The following EXOC6 variants were observed in gnomAD, a reference collection of about 807,000 sequenced individuals.
EXOC6 encodes SEC15-like 1.
In EXOC6, 60 loss-of-function variants were observed where a neutral mutation model predicts 112.5. The ratio of observed to expected loss-of-function variants is 0.53; its 90% confidence interval spans 0.43 to 0.66. The LOEUF is 0.66. Ranked by LOEUF, EXOC6 falls within the 30% of genes least tolerant of loss-of-function variation. The probability of loss-of-function intolerance (pLI) is 0.00; values close to 1 mark genes in which losing one functional copy is unlikely to be tolerated. For missense variants in EXOC6, 855 were observed against 957.1 expected, an observed-to-expected ratio of 0.89 and a Z score of 1.41; for synonymous variants, 295 against 308.0, an observed-to-expected ratio of 0.96 and a Z score of 0.44.
chr10:92,971,479 A>T lies in EXOC6; in HGVS notation c.1774-2574A>T, dbSNP rs905728002. Among the ~76,000 whole-genome samples the T allele has an allele frequency of 2.0e-5, 3 of 151,376 alleles. No homozygotes were observed. The South Asian group carries it at 6.2e-4, about 31-fold the overall frequency. On this transcript the variant is annotated intron_variant, in intron 17 of 21. Coordinates refer to ENST00000260762, the MANE Select transcript of EXOC6 (RefSeq NM_019053.6). ...AACCTCAGCCTCCCAGGTTTAAGTG[A>T]TTCTCCTGCCTCAGCCTCCCAAGTA...
chr10:92,841,815 C>T (rs1319212840), intron 1 of EXOC6, among the ~76,000 whole-genome samples: 2 of 152,102 alleles, frequency 1.3e-5, no homozygotes, highest in African/African-American at 2.4e-5. Context: ...ACTAATAGAG[C>T]TGTTGAAAGG....
intron 4 of EXOC6, among the ~76,000 whole-genome samples, chr10:92,898,697 T>C (rs1163586562): frequency 1.3e-5 from 2 of 152,128 alleles, no homozygotes; most frequent in African/African-American, 2.4e-5. Flanking sequence ...TAGAGAGATA[T>C]ACATAGGGTC....
chr10:92,954,820 G>A, intron 16 of EXOC6, 79 bp downstream of exon 16: 1 of 656,234 alleles, frequency 1.5e-6, no homozygotes, highest in South Asian at 2.0e-5. Flanking sequence ...ACGTCATTCT[G>A]TAAAACTAGC....
chr10:93,020,599 T>G (rs894852266), intron 20 of EXOC6, among the ~76,000 whole-genome samples: 7 of 152,124 alleles, frequency 4.6e-5, no homozygotes, highest in East Asian at 1.9e-4. Context: ...CAATGCTGTC[T>G]TCTAAAATAA....
intron 20 of EXOC6, among the ~76,000 whole-genome samples, chr10:93,021,355 C>T (rs1453149476): frequency 2.0e-5 from 3 of 152,138 alleles, no homozygotes; most frequent in Non-Finnish European, 2.9e-5. Flanking sequence ...ATGTAACCAT[C>T]TATACCCCAT....
rs374378240 is a variant in EXOC6, at chr10:92,948,278, A to T, written c.1315A>T (p.Ile439Phe). The change falls in exon 14 of 22, where the codon ATT becomes TTT. Residue 439 changes from isoleucine (I) to phenylalanine (F), a missense_variant. This residue lies in a region of EXOC6 where 450 missense variants were observed against 563.5 expected (regional missense o/e 0.80). Transcript: ENST00000260762. ...TCAATTTTCCTTTCCTAACAGGGACATTTTTGAAGAAGATAATTACAGCCC... is the reference window on the plus strand; with the variant it reads ...TCAATTTTCCTTTCCTAACAGGGACTTTTTTGAAGAAGATAATTACAGCCC... ...LKKWAGVFRD[I>F]FEEDNYSPIP... 2 of 1,596,982 alleles carry T rather than the reference A, an allele frequency of 1.3e-6. No individual in the cohort carries two copies. The highest frequency in any genetic ancestry group is 1.7e-6 in the Non-Finnish European group (2 of 1,169,378).
At chr10:92,977,490 G>A (rs1842673304) in intron 18 of EXOC6, among the ~76,000 whole-genome samples, 1 of 152,056 alleles carries the variant, frequency 6.6e-6, no homozygotes, top group Non-Finnish European at 1.5e-5. Context: ...CCCAACTGCT[G>A]TCTTTGAACT....
chr10:92,874,233 G>A (rs12247138), intron 1 of EXOC6, among the ~76,000 whole-genome samples: 4,810 of 152,056 alleles, frequency 0.032, 258 homozygotes, highest in African/African-American at 0.11. Flanking sequence ...TTTTTACTTA[G>A]CAGTACAATA....
intron 18 of EXOC6, among the ~76,000 whole-genome samples, chr10:92,976,342 T>C (rs1415853200): frequency 6.6e-6 from 1 of 152,218 alleles, no homozygotes; most frequent in South Asian, 2.1e-4. Flanking sequence ...AAAATACTTA[T>C]CCTGTTGATC....
At chr10:92,992,003 A>G (rs1438245160) in intron 18 of EXOC6, among the ~76,000 whole-genome samples, 3 of 152,190 alleles carry the variant, frequency 2.0e-5, no homozygotes, top group African/African-American at 7.2e-5. Context: ...GGGTGTTAAA[A>G]TGAGTATATT....
chr10:92,892,915 T>A (rs1309261264), intron 1 of EXOC6, among the ~76,000 whole-genome samples: 1 of 152,180 alleles, frequency 6.6e-6, no homozygotes, highest in African/African-American at 2.4e-5. Flanking sequence ...GTAATAACAA[T>A]ACCTACTTTG....
intron 5 of EXOC6, among the ~76,000 whole-genome samples, chr10:92,907,594 A>G (rs1461413427): frequency 1.3e-5 from 2 of 152,226 alleles, no homozygotes; most frequent in African/African-American, 4.8e-5. Context: ...TAGGATTTCA[A>G]ATACATTGTA....
At chr10:92,889,105 G>A (rs1199339029) in intron 1 of EXOC6, among the ~76,000 whole-genome samples, 1 of 152,128 alleles carries the variant, frequency 6.6e-6, no homozygotes, top group Non-Finnish European at 1.5e-5. Flanking sequence ...TTGAGTTTTG[G>A]TCATATTTAT....
chr10:92,954,631 T>G lies in EXOC6; in HGVS notation c.1528T>G (p.Ser510Ala). ...AATAATATCAATCTTTGTTTTTAGC[T>G]CAACAGAAATAGACGATATGCTTAG... ...LKFSESLHRS[S>A]TEIDDMLRKS... Residue 510 changes from serine to alanine, a missense_variant and splice_region_variant, in exon 16 of 22, where the codon TCA (serine) becomes GCA (alanine). Physicochemically the swap from Ser to Ala is moderately conservative, Grantham distance 99 (BLOSUM62 1). Coordinates refer to ENST00000260762, the MANE Select transcript of EXOC6 (RefSeq NM_019053.6). The G allele has an allele frequency of 6.5e-7, 1 of 1,544,106 alleles. No individual in the cohort carries two copies. Among genetic ancestry groups the G allele is most frequent in the African/African-American group, 1.4e-5 (1 of 73,500 alleles).
intron 19 of EXOC6, among the ~76,000 whole-genome samples, chr10:93,001,520 T>A (rs1843755144): frequency 6.6e-6 from 1 of 152,236 alleles, no homozygotes; most frequent in African/African-American, 2.4e-5. Context: ...ATATTGTGTT[T>A]TTGTGCAAAT....
upstream of EXOC6, chr10:92,834,679 C>G: frequency 7.8e-7 from 1 of 1,278,658 alleles, no homozygotes; most frequent in Non-Finnish European, 1.1e-6. Flanking sequence ...TTATAAATTA[C>G]AACAGTTTTT....
intron 19 of EXOC6, among the ~76,000 whole-genome samples, chr10:93,006,335 T>C (rs1401401992): frequency 6.6e-6 from 1 of 152,182 alleles, no homozygotes; most frequent in Non-Finnish European, 1.5e-5. Context: ...TCAGTGCCTT[T>C]TTAAAAAGTA....
rs2133935124 is a variant in EXOC6 at position 92,928,502 on chromosome 10, T to C, written c.972+80T>C. On this transcript the variant is annotated intron_variant, in intron 9 of 21. Coordinates refer to ENST00000260762, the MANE Select transcript of EXOC6 (RefSeq NM_019053.6). ...TGTTTTAATTTCTTCAAAGCATGTA[T>C]CACTGTTCATTCAACTACAAATATT... The C allele has an allele frequency of 6.2e-6, 5 of 800,036 alleles. No homozygotes were observed. In the South Asian group the frequency reaches 8.8e-5, roughly 14 times the overall value. 49.6% of individuals were successfully genotyped at this position (800,036 alleles called of 1,614,324 possible).
Position 92,983,088 on chromosome 10 carries a change from G to A in EXOC6, c.1953+8856G>A, listed in dbSNP as rs955528295. 9.9e-5 allele frequency among the ~76,000 whole-genome samples: 15 copies of A among 152,178 alleles called. No individual in the cohort carries two copies. The South Asian group carries it at 2.9e-3, about 29-fold the overall frequency. ...ACTATCTTGAAATTTTTGAGATTTGGGTTTTAGGCTTGATTCTTCCAATTA... is the reference window on the plus strand; with the variant it reads ...ACTATCTTGAAATTTTTGAGATTTGAGTTTTAGGCTTGATTCTTCCAATTA... On this transcript the variant is annotated intron_variant, in intron 18 of 21. Coordinates refer to ENST00000260762, the MANE Select transcript of EXOC6 (RefSeq NM_019053.6).
Sources: allele counts gnomAD v4.1 joint callset (sites outside exome capture counted in the v4.1 genomes callset), GRCh38; gene constraint gnomAD v4.1.1; regional missense constraint gnomAD v4.1.1; transcripts MANE v1.5; gene names NCBI Gene and HGNC (gene_info 2026-07-23, HGNC 2026-07-21).